Variants in EIF4G3 observed in about 807,000 individuals in gnomAD.
EIF4G3 encodes the protein eIF-4-gamma 3.
Under a neutral mutation model 186.4 loss-of-function variants are expected in EIF4G3, and 34 were observed. The ratio of observed to expected loss-of-function variants is 0.18; its 90% CI spans 0.14 to 0.24. EIF4G3 has a LOEUF of 0.24. EIF4G3 is among the 10% of genes least tolerant of loss of function. The pLI is 1.00. For synonymous variants in EIF4G3, 673 were observed against 679.5 expected, an observed-to-expected ratio of 0.99 and a Z score of 0.15; for missense variants, 1,536 against 1,948.5, an observed-to-expected ratio of 0.79 and a Z score of 3.99.
At chr1:20,842,804 C>T (rs1026310180) in intron 29 of EIF4G3, among the ~76,000 whole-genome samples, 4 of 151,596 alleles carry the variant, frequency 2.6e-5, no homozygotes, top group Non-Finnish European at 5.9e-5. Context: ...AACGTTGCTT[C>T]TGTCTATTCC....
At chr1:20,839,542 C>T (rs1268600905) in intron 30 of EIF4G3, among the ~76,000 whole-genome samples, 2 of 151,886 alleles carry the variant, frequency 1.3e-5, no homozygotes, top group Non-Finnish European at 2.9e-5. Context: ...CTGAGACAGG[C>T]GGAGTGCAGT....
chr1:21,043,554 T>C (rs561230311), intron 4 of EIF4G3, among the ~76,000 whole-genome samples: 1 of 152,270 alleles, frequency 6.6e-6, no homozygotes, highest in Non-Finnish European at 1.5e-5. Context: ...ATATAAAAGC[T>C]GCTTTAGGCA....
At chr1:20,829,810 T>C (rs1229467433) in intron 30 of EIF4G3, among the ~76,000 whole-genome samples, 1 of 152,194 alleles carries the variant, frequency 6.6e-6, no homozygotes, top group East Asian at 1.9e-4. Context: ...ATCATCATTA[T>C]TACATGTTAC....
At chr1:21,020,976 C>T (rs902146537) in intron 4 of EIF4G3, among the ~76,000 whole-genome samples, 2 of 145,040 alleles carry the variant, frequency 1.4e-5, no homozygotes, top group Admixed American at 7.0e-5. Flanking sequence ...GCATTTATTT[C>T]TTATTTATGT....
chr1:21,033,841 G>A (rs978053974), intron 4 of EIF4G3, among the ~76,000 whole-genome samples: 3 of 152,116 alleles, frequency 2.0e-5, no homozygotes, highest in African/African-American at 4.8e-5. Context: ...TAATCCCAGC[G>A]CTTCAGGAGG....
At chr1:20,887,107 T>C (rs1406024733) in intron 18 of EIF4G3, among the ~76,000 whole-genome samples, 1 of 152,176 alleles carries the variant, frequency 6.6e-6, no homozygotes, top group Non-Finnish European at 1.5e-5. Flanking sequence ...CAAGGTTAAA[T>C]ATTTGGGTTG....
At chr1:20,972,212 T>C (rs2076039973) in intron 11 of EIF4G3, among the ~76,000 whole-genome samples, 1 of 152,232 alleles carries the variant, frequency 6.6e-6, no homozygotes, top group African/African-American at 2.4e-5. Context: ...TTCTAAACTC[T>C]GTTTTTTGTT....
chr1:21,074,872 CG>C (rs1238061397), intron 3 of EIF4G3, among the ~76,000 whole-genome samples: 1 of 152,070 alleles, frequency 6.6e-6, no homozygotes, highest in African/African-American at 2.4e-5. Flanking sequence ...CCCAGGAGTT[CG>C]AGACCAGCCT....
At chr1:20,844,056 T>C (rs185273129) in intron 29 of EIF4G3, among the ~76,000 whole-genome samples, 15 of 152,354 alleles carry the variant, frequency 9.8e-5, no homozygotes, top group Admixed American at 3.9e-4. Context: ...CACTCTATCG[T>C]TGATGGGCAT....
Position 20,886,183 on chromosome 1 carries a change from A to G in EIF4G3, c.2424+18T>C, listed in dbSNP as rs1184487319. 6.3e-7 allele frequency: 1 copy of G among 1,598,028 alleles called. No individual in the cohort carries two copies. The highest frequency in any genetic ancestry group is 1.8e-5 in the Admixed American group (1 of 56,204). On this transcript the variant is annotated intron_variant, in intron 19 of 36. Coordinates refer to ENST00000602326, the MANE Select transcript of EIF4G3 (RefSeq NM_001391906.1). The stretch of plus-strand genomic sequence containing the variant: ...AATATAATTTCAAAAGAATGTTAGG[A>G]TATGCTTTTGTTCTCACCTGGGTTT...
intron 1 of EIF4G3, 49 bp downstream of exon 1, chr1:21,176,673 C>G: frequency 1.8e-6 from 1 of 570,258 alleles, no homozygotes; most frequent in East Asian, 3.5e-5. Context: ...CAACGCGACC[C>G]CAGGGGGGGG....
At chr1:21,040,952 ATT>A (rs112731832) in intron 4 of EIF4G3, among the ~76,000 whole-genome samples, 1 of 148,102 alleles carries the variant, frequency 6.8e-6, no homozygotes, top group African/African-American at 2.5e-5. Flanking sequence ...CTCACTTCTG[ATT>A]TTTTTTTTTA....
At chr1:21,102,340 A>G (rs1046668752) in intron 2 of EIF4G3, among the ~76,000 whole-genome samples, 1 of 152,188 alleles carries the variant, frequency 6.6e-6, no homozygotes, top group African/African-American at 2.4e-5. Context: ...TGGGCCACAG[A>G]TTGCAAACCC....
chr1:20,922,014 A>G (rs1260999753), intron 14 of EIF4G3, among the ~76,000 whole-genome samples: 1 of 152,198 alleles, frequency 6.6e-6, no homozygotes, highest in East Asian at 1.9e-4. Context: ...TCACCATTAC[A>G]CTCAAGTATT....
At position 21,138,972 on chromosome 1, in the gene EIF4G3, C is replaced by A. The variant is rs370305660; in HGVS notation, c.-272+37203G>T. On this transcript the variant is annotated intron_variant, in intron 2 of 36. Transcript: ENST00000602326. ...TGATCACAGCTCACTGCAGCCTTGACCTCCTGGGCTCAAGCAATCCTCCTG... is the reference window on the plus strand; with the variant it reads ...TGATCACAGCTCACTGCAGCCTTGAACTCCTGGGCTCAAGCAATCCTCCTG... Among the ~76,000 whole-genome samples, 12 of 152,200 alleles carry A rather than the reference C, an allele frequency of 7.9e-5. No homozygotes were observed. In the East Asian group the frequency reaches 1.4e-3, roughly 17 times the overall value.
At chr1:20,917,078 T>C (rs923505988) in intron 14 of EIF4G3, among the ~76,000 whole-genome samples, 1 of 151,098 alleles carries the variant, frequency 6.6e-6, no homozygotes, top group African/African-American at 2.4e-5. Flanking sequence ...AGCCCCAAAC[T>C]GGAAACAGCC....
At chr1:21,047,908 T>C (rs182860405) in intron 4 of EIF4G3, among the ~76,000 whole-genome samples, 1 of 152,284 alleles carries the variant, frequency 6.6e-6, no homozygotes, top group East Asian at 1.9e-4. Context: ...GACAGATGAA[T>C]CCATAGAGGC....
intron 20 of EIF4G3, among the ~76,000 whole-genome samples, chr1:20,876,190 T>G (rs2080743740): frequency 8.1e-6 from 1 of 123,454 alleles, no homozygotes; most frequent in Non-Finnish European, 1.6e-5. Flanking sequence ...ACCACTGTAC[T>G]CCAGCCTGGG....
chr1:21,089,190 T>G lies in EIF4G3; in HGVS notation c.-248A>C, dbSNP rs954719577. ...AGTGAAGATTCGATCCTCAAGAGGT[T>G]GTTGCACAGGTCCTCTAGGAATTCT... is the stretch of plus-strand genomic sequence containing the variant. On this transcript the variant is annotated 5_prime_UTR_variant, in exon 3 of 37. Transcript: ENST00000602326. 1.4e-6 allele frequency: 1 copy of G among 717,458 alleles called. No homozygotes were observed. Among genetic ancestry groups the G allele is most frequent in the Non-Finnish European group, 2.6e-6 (1 of 385,082 alleles). The allele number at this position is 717,458 out of a possible 1,614,324, so 44.4% of individuals were successfully genotyped here.
Sources: gnomAD v4.1 joint callset for allele counts (sites outside exome capture counted in the v4.1 genomes callset) on GRCh38, gnomAD v4.1.1 for gene constraint, MANE v1.5 for transcripts, NCBI Gene and HGNC (gene_info 2026-07-23, HGNC 2026-07-21) for gene names.